EML1: variants seen among roughly 807,000 people sequenced by gnomAD.
EML1 encodes echinoderm microtubule-associated protein-like 1.
EML1 carries 27 observed loss-of-function variants against 110.4 expected under a neutral mutation model. The ratio of observed to expected loss-of-function variants is 0.24; its 90% CI spans 0.18 to 0.34. The LOEUF is 0.34. Ranked by LOEUF, EML1 falls within the 10% of genes least tolerant of loss-of-function variation. The pLI, the probability that EML1 is intolerant of heterozygous loss-of-function variation, is 1.00. For missense variants in EML1, 741 were observed against 1,030.9 expected (o/e 0.72, Z 3.85); for synonymous variants, 344 against 385.8 (o/e 0.89, Z 1.27).
At chr14:99,820,920 ACCACTTGCCTTAGAAAGTGC>A (rs2058250345) in intron 1 of EML1, among the ~76,000 whole-genome samples, 1 of 152,110 alleles carries the variant, frequency 6.6e-6, no homozygotes, top group Non-Finnish European at 1.5e-5. Flanking sequence ...TAACAGTGGA[ACCACTTGCCTTAGAAAGTGC>A]CCGCCCCCAA....
chr14:99,909,793 C>T (rs1287110332), intron 11 of EML1, among the ~76,000 whole-genome samples: 6 of 152,172 alleles, frequency 3.9e-5, no homozygotes, highest in East Asian at 1.9e-4. Flanking sequence ...ATTAGAGACT[C>T]CCTGTGCCTT....
chr14:99,824,239 C>T (rs1222989480), intron 1 of EML1, among the ~76,000 whole-genome samples: 1 of 152,210 alleles, frequency 6.6e-6, no homozygotes, highest in Non-Finnish European at 1.5e-5. Flanking sequence ...GGATTACAGG[C>T]GTGAGCCACC....
intron 4 of EML1, among the ~76,000 whole-genome samples, chr14:99,882,705 GAA>G (rs1046230824): frequency 6.8e-6 from 1 of 147,212 alleles, no homozygotes; most frequent in Non-Finnish European, 1.5e-5. Context: ...TCATGTTTAA[GAA>G]AGTTTACAAA....
chr14:99,923,592 T>G (rs7158648), intron 17 of EML1, among the ~76,000 whole-genome samples: 1 of 135,920 alleles, frequency 7.4e-6, no homozygotes, highest in Non-Finnish European at 1.5e-5. Flanking sequence ...TTGTCAAAAA[T>G]CAATCGATCA....
At chr14:99,782,999 T>TAC (rs2057557943) in intron 1 of EML1, among the ~76,000 whole-genome samples, 1 of 151,942 alleles carries the variant, frequency 6.6e-6, no homozygotes, top group Non-Finnish European at 1.5e-5. Flanking sequence ...TATATATATA[T>TAC]ATTTTTATTA....
At chr14:99,897,569 G>A (rs1345327578) in intron 7 of EML1, among the ~76,000 whole-genome samples, 1 of 152,086 alleles carries the variant, frequency 6.6e-6, no homozygotes, top group Non-Finnish European at 1.5e-5. Flanking sequence ...TCACTACTGC[G>A]CTCCGTGAGA....
chr14:99,856,859 A>T (rs189148258), intron 2 of EML1, among the ~76,000 whole-genome samples: 2 of 152,360 alleles, frequency 1.3e-5, no homozygotes, highest in Non-Finnish European at 2.9e-5. Context: ...AGTTTTCATT[A>T]TGACCCTCTC....
upstream of EML1, among the ~76,000 whole-genome samples, chr14:99,769,684 CA>C (rs2057403075): frequency 1.3e-5 from 2 of 152,338 alleles, no homozygotes; most frequent in Admixed American, 1.3e-4. Flanking sequence ...AGCATCAGGA[CA>C]AATGTCATGA....
intron 12 of EML1, among the ~76,000 whole-genome samples, 155 bp from the exon 13 acceptor site, chr14:99,911,267 C>T (rs1298339348): frequency 6.6e-6 from 1 of 152,144 alleles, no homozygotes; most frequent in Non-Finnish European, 1.5e-5. Context: ...TGGTGCTCTG[C>T]GAACGTCTAG....
At chr14:99,866,864 A>G (rs1180761779) in intron 3 of EML1, among the ~76,000 whole-genome samples, 1 of 152,182 alleles carries the variant, frequency 6.6e-6, no homozygotes, top group East Asian at 1.9e-4. Context: ...ACATGCATCC[A>G]TATTGTAGCA....
At chr14:99,914,990 G>A (rs911032608) in intron 15 of EML1, 1 of 408,810 alleles carries the variant, frequency 2.4e-6, no homozygotes, top group African/African-American at 2.1e-5. Flanking sequence ...CATCCTAAGA[G>A]CTGAAAAATA....
chr14:99,892,359 A>T (rs2059601782), intron 5 of EML1, among the ~76,000 whole-genome samples: 1 of 152,166 alleles, frequency 6.6e-6, no homozygotes, highest in Non-Finnish European at 1.5e-5. Context: ...CTGAGCATTT[A>T]CTCGGATGGG....
At chr14:99,893,255 G>T (rs577183171) in intron 5 of EML1, among the ~76,000 whole-genome samples, 1 of 29,466 alleles carries the variant, frequency 3.4e-5, no homozygotes, top group African/African-American at 1.4e-4. Context: ...TGGAGGAAGG[G>T]CTCCGTAAAC....
chr14:99,803,363 C>T (rs2057916923), intron 1 of EML1, among the ~76,000 whole-genome samples: 1 of 152,254 alleles, frequency 6.6e-6, no homozygotes, highest in African/African-American at 2.4e-5. Context: ...GTGCATATAA[C>T]TGTATGTATA....
chr14:99,815,686 C>A (rs754636717), intron 1 of EML1, among the ~76,000 whole-genome samples: 3 of 152,102 alleles, frequency 2.0e-5, no homozygotes, highest in Non-Finnish European at 2.9e-5. Context: ...GATTGGATGG[C>A]AGAACTGGAG....
intron 1 of EML1, among the ~76,000 whole-genome samples, chr14:99,743,297 C>A (rs2057065677): frequency 6.6e-6 from 1 of 152,188 alleles, no homozygotes; most frequent in Non-Finnish European, 1.5e-5. Context: ...TCAGTGGAGG[C>A]CTGCCTCCTC....
At chr14:99,862,302 T>C (rs746374557) in intron 2 of EML1, among the ~76,000 whole-genome samples, 14 of 152,226 alleles carry the variant, frequency 9.2e-5, no homozygotes, top group Non-Finnish European at 1.6e-4. Flanking sequence ...ACTGTGGTTG[T>C]TGACCTTGGC....
At chr14:99,752,587 G>C (rs544322202) in intron 1 of EML1, among the ~76,000 whole-genome samples, 1 of 152,302 alleles carries the variant, frequency 6.6e-6, no homozygotes, top group Non-Finnish European at 1.5e-5. Context: ...CTGCTGAGGT[G>C]CCCCCTGGGG....
At chr14:99,756,155 G>A (rs1339486809) in intron 1 of EML1, among the ~76,000 whole-genome samples, 2 of 152,222 alleles carry the variant, frequency 1.3e-5, no homozygotes. Context: ...GCTCTCCAAG[G>A]TCAGCAAGTG....
Sources: gnomAD v4.1 joint callset for allele counts (sites outside exome capture counted in the v4.1 genomes callset) on GRCh38, gnomAD v4.1.1 for gene constraint, MANE v1.5 for transcripts, NCBI Gene and HGNC (gene_info 2026-07-23, HGNC 2026-07-21) for gene names.